TBX15: variants seen among roughly 807,000 people sequenced by gnomAD.
TBX15 encodes T-box transcription factor 15.
A neutral mutation model predicts 53.9 loss-of-function variants in TBX15; 18 were observed. That is an observed-to-expected ratio of 0.33 (90% CI 0.23 to 0.49). The LOEUF (loss-of-function observed/expected upper bound fraction) is 0.49, where lower values mean the gene tolerates loss of function less well. TBX15 is among the 20% of genes least tolerant of loss of function. The pLI, the probability that TBX15 is intolerant of heterozygous loss-of-function variation, is 0.98. For synonymous variants in TBX15, 295 were observed against 278.0 expected, an observed-to-expected ratio of 1.06 and a Z score of -0.61; for missense variants, 692 against 749.5, an observed-to-expected ratio of 0.92 and a Z score of 0.90.
chr1:118,947,971 C>A (rs185660597), intron 1 of TBX15, among the ~76,000 whole-genome samples: 145 of 152,288 alleles, frequency 9.5e-4, no homozygotes, highest in Admixed American at 1.6e-3. Flanking sequence ...GTTCCATGAT[C>A]TGTGATTCTG....
chr1:118,960,164 C>A (rs1656821145), intron 1 of TBX15, among the ~76,000 whole-genome samples: 1 of 152,068 alleles, frequency 6.6e-6, no homozygotes. Context: ...TGGGGGACCC[C>A]CTGGCTATTT....
At chr1:118,988,696 C>T (rs1287841868), upstream of TBX15, among the ~76,000 whole-genome samples, 4 of 152,188 alleles carry the variant, frequency 2.6e-5, no homozygotes, top group African/African-American at 9.6e-5. Context: ...AATTTTGGGG[C>T]TCTGACAAAA....
chr1:118,976,947 C>G (rs958069161), intron 1 of TBX15, among the ~76,000 whole-genome samples: 2 of 152,202 alleles, frequency 1.3e-5, no homozygotes, highest in East Asian at 3.9e-4. Context: ...TGAGTAATCG[C>G]TGTCAATTCA....
intron 1 of TBX15, among the ~76,000 whole-genome samples, chr1:118,950,522 T>C (rs1656481056): frequency 6.6e-6 from 1 of 152,200 alleles, no homozygotes; most frequent in Non-Finnish European, 1.5e-5. Flanking sequence ...TATCTCCCAA[T>C]AGCAGCTGAA....
At chr1:118,964,216 G>A (rs1156479976) in intron 1 of TBX15, among the ~76,000 whole-genome samples, 1 of 152,212 alleles carries the variant, frequency 6.6e-6, no homozygotes, top group Non-Finnish European at 1.5e-5. Context: ...TTCAGGGTTT[G>A]TTTGTCTTGC....
chr1:118,967,871 T>C lies in TBX15; in HGVS notation c.205+19720A>G, dbSNP rs556955354. Among the ~76,000 whole-genome samples the C allele has an allele frequency of 5.3e-5, 8 of 152,364 alleles. 2 individuals carry two copies. In the South Asian group the frequency reaches 1.7e-3, roughly 32 times the overall value. On this transcript the variant is annotated intron_variant, in intron 1 of 7. Coordinates refer to ENST00000369429, the MANE Select transcript of TBX15 (RefSeq NM_001330677.2). ...CCTCTATAAAATAACAAGCTGTATT[T>C]GCCACAGCCAGAAAAACATCCCAGG...
intron 1 of TBX15, among the ~76,000 whole-genome samples, chr1:118,955,847 T>C (rs943497330): frequency 2.0e-5 from 3 of 152,208 alleles, no homozygotes; most frequent in African/African-American, 7.2e-5. Flanking sequence ...AGTTCAGGTA[T>C]AAAAGATCGT....
chr1:118,972,893 C>A (rs566004183), intron 1 of TBX15, among the ~76,000 whole-genome samples: 24 of 152,264 alleles, frequency 1.6e-4, no homozygotes, highest in African/African-American at 5.5e-4. Flanking sequence ...AGCCACCATG[C>A]CCGGCCAAAT....
At chr1:118,918,374 A>T (rs576821581) in intron 5 of TBX15, among the ~76,000 whole-genome samples, 1 of 152,256 alleles carries the variant, frequency 6.6e-6, no homozygotes, top group East Asian at 1.9e-4. Context: ...ATAAATGATG[A>T]TGTGAGAGCC....
chr1:118,897,123 C>T (rs1364744233), intron 7 of TBX15, among the ~76,000 whole-genome samples: 3 of 152,134 alleles, frequency 2.0e-5, no homozygotes, highest in Non-Finnish European at 4.4e-5. Flanking sequence ...AGTATAAGTA[C>T]CATGAAGCCT....
intron 6 of TBX15, among the ~76,000 whole-genome samples, chr1:118,899,950 A>G (rs1370356043): frequency 4.6e-5 from 7 of 150,660 alleles, no homozygotes; most frequent in Non-Finnish European, 1.0e-4. Context: ...CCCTTCAATT[A>G]ACTATGTCTC....
intron 5 of TBX15, among the ~76,000 whole-genome samples, chr1:118,914,936 G>T (rs1295560350): frequency 6.6e-6 from 1 of 152,184 alleles, no homozygotes; most frequent in Non-Finnish European, 1.5e-5. Flanking sequence ...CACCAGCTTG[G>T]TCCTCAGGGG....
At chr1:118,889,148 T>C (rs189473615) in intron 7 of TBX15, among the ~76,000 whole-genome samples, 13 of 152,364 alleles carry the variant, frequency 8.5e-5, no homozygotes, top group Admixed American at 5.9e-4. Flanking sequence ...CTTGCTTCCA[T>C]GCACTTTGAA....
Position 118,931,848 on chromosome 1 carries a change from T to A in TBX15, c.206-16A>T. ...TGCTCAGAATCTGCAAAATAAACAA[T>A]CAAGCCTTAGGTGAGAAACTGCTGA... On this transcript the variant is annotated splice_polypyrimidine_tract_variant and intron_variant, in intron 1 of 7. Coordinates refer to ENST00000369429, the MANE Select transcript of TBX15 (RefSeq NM_001330677.2). The A allele has an allele frequency of 6.4e-7, 1 of 1,555,158 alleles. No homozygotes were observed. Among genetic ancestry groups the A allele is most frequent in the Non-Finnish European group, 8.7e-7 (1 of 1,148,902 alleles).
intron 1 of TBX15, among the ~76,000 whole-genome samples, chr1:118,970,994 C>CT (rs1657219576): frequency 6.6e-6 from 1 of 152,190 alleles, no homozygotes; most frequent in African/African-American, 2.4e-5. Context: ...CACTTAGAAA[C>CT]TTTTTTGCAC....
chr1:118,987,666 T>A lies in TBX15; in HGVS notation c.130A>T (p.Met44Leu). 1 of 1,550,254 alleles carries A rather than the reference T, an allele frequency of 6.5e-7. No homozygotes were observed. Among genetic ancestry groups the A allele is most frequent in the Middle Eastern group, 1.7e-4 (1 of 5,940 alleles). The part of the protein sequence containing the change: ...DWEEKGLDLS[M>L]EALSPAGPLG... ...GGGCCCGCGGGGCTCAGCGCCTCCA[T>A]AGACAGGTCCAGCCCCTTCTCCTCC... is the stretch of plus-strand genomic sequence containing the variant. Residue 44 changes from methionine (M) to leucine (L), a missense_variant, in exon 1 of 8, where the codon ATG (methionine) becomes TTG (leucine). This residue lies in a region of TBX15 where 307 missense variants were observed against 347.5 expected (regional missense o/e 0.88). Transcript: ENST00000369429.
chr1:118,986,851 A>T lies in TBX15; in HGVS notation c.205+740T>A, dbSNP rs139046048. Among the ~76,000 whole-genome samples the T allele has an allele frequency of 1.8e-4, 28 of 152,238 alleles. No homozygotes were observed. In the East Asian group the frequency reaches 4.4e-3, roughly 24 times the overall value. On this transcript the variant is annotated intron_variant, in intron 1 of 7. Coordinates refer to ENST00000369429, the MANE Select transcript of TBX15 (RefSeq NM_001330677.2). The stretch of plus-strand genomic sequence containing the variant: ...AGTTGAAATCTTGGCACTTAACACA[A>T]AACGTTAAAGTTGGCTTCTCCCCTC...
chr1:118,949,345 T>C (rs913819069), intron 1 of TBX15, among the ~76,000 whole-genome samples: 1 of 152,248 alleles, frequency 6.6e-6, no homozygotes, highest in African/African-American at 2.4e-5. Context: ...CAGAGGCATC[T>C]GAGAGGCCAC....
At chr1:118,890,857 A>T (rs763978096) in intron 7 of TBX15, 12 of 1,300,392 alleles carry the variant, frequency 9.2e-6, no homozygotes, top group Non-Finnish European at 1.2e-5. Context: ...ATAAATTTCC[A>T]TGTAATTACT....
Sources: gnomAD v4.1 joint callset for allele counts (sites outside exome capture counted in the v4.1 genomes callset) on GRCh38, gnomAD v4.1.1 for gene constraint, gnomAD v4.1.1 regional missense constraint, MANE v1.5 for transcripts, NCBI Gene and HGNC (gene_info 2026-07-23, HGNC 2026-07-21) for gene names.